Variants in RASGEF1C observed in about 807,000 individuals in gnomAD.
RASGEF1C encodes the protein RasGEF domain family member 1C.
A neutral mutation model predicts 58.1 loss-of-function variants in RASGEF1C; 27 were observed. That is an observed-to-expected ratio of 0.46 (90% CI 0.34 to 0.64). The LOEUF (loss-of-function observed/expected upper bound fraction) is 0.64. Among genes scored for constraint, RASGEF1C ranks in the 30% least tolerant of loss-of-function variants. The probability of loss-of-function intolerance (pLI) is 0.01; values close to 1 mark genes in which losing one functional copy is unlikely to be tolerated. For missense variants in RASGEF1C, 502 were observed against 605.1 expected, an observed-to-expected ratio of 0.83 and a Z score of 1.79; for synonymous variants, 243 against 246.3, an observed-to-expected ratio of 0.99 and a Z score of 0.13.
intron 1 of RASGEF1C, among the ~76,000 whole-genome samples, chr5:180,154,954 G>A (rs1444235075): frequency 2.0e-5 from 3 of 152,140 alleles, no homozygotes; most frequent in African/African-American, 7.2e-5. Context: ...AGCCTGAGTG[G>A]AAGACAGACT....
intron 1 of RASGEF1C, among the ~76,000 whole-genome samples, chr5:180,173,716 C>G (rs569112229): frequency 6.6e-6 from 1 of 152,156 alleles, no homozygotes; most frequent in East Asian, 1.9e-4. Flanking sequence ...AGTTTGAGAC[C>G]AGCCTGGCCA....
intron 1 of RASGEF1C, among the ~76,000 whole-genome samples, chr5:180,159,127 T>C (rs1004592598): frequency 7.6e-6 from 1 of 131,526 alleles, no homozygotes; most frequent in African/African-American, 2.7e-5. Flanking sequence ...TAACAAGTTT[T>C]TTTTTAATTT....
Position 180,136,491 on chromosome 5 carries a change from T to C in RASGEF1C, c.325A>G (p.Lys109Glu), listed in dbSNP as rs1448088704. ...DKARVRKFGP[K>E]LLQLLAEWTE... Reference sequence around the variant, plus strand: ...CACTCGGCCAACAGCTGCAGCAGTTTGGGGCCGAACTTCCGGACCCGGGCC... The same window carrying C: ...CACTCGGCCAACAGCTGCAGCAGTTCGGGGCCGAACTTCCGGACCCGGGCC... The change falls in exon 4 of 14, where the codon AAA becomes GAA. Residue 109 changes from lysine to glutamate, a missense_variant. By Grantham distance (56) the Lys-to-Glu change is moderately conservative (BLOSUM62 1). Coordinates refer to ENST00000361132, the MANE Select transcript of RASGEF1C (RefSeq NM_175062.4). 5 of 1,570,874 alleles carry C rather than the reference T, an allele frequency of 3.2e-6. No individual in the cohort carries two copies. The African/African-American group carries it at 4.0e-5, about 13-fold the overall frequency.
chr5:180,150,473 T>C (rs1464656634), intron 1 of RASGEF1C, among the ~76,000 whole-genome samples: 1 of 152,072 alleles, frequency 6.6e-6, no homozygotes, highest in Non-Finnish European at 1.5e-5. Flanking sequence ...AAACTGGACA[T>C]TTGACTCTTG....
chr5:180,125,719 T>A (rs1403705632), intron 6 of RASGEF1C, among the ~76,000 whole-genome samples: 1 of 151,368 alleles, frequency 6.6e-6, no homozygotes, highest in South Asian at 2.1e-4. Context: ...GAGGTGGAGG[T>A]TGCAATGAGC....
At chr5:180,182,263 T>C (rs2113325012) in intron 1 of RASGEF1C, among the ~76,000 whole-genome samples, 2 of 149,930 alleles carry the variant, frequency 1.3e-5, no homozygotes, top group African/African-American at 4.9e-5. Flanking sequence ...CAGTGAGTGT[T>C]ACACAGCTCT....
rs142190824 is a variant in RASGEF1C, at chr5:180,129,517, C to G, written c.439-907G>C. On this transcript the variant is annotated intron_variant, in intron 4 of 13. Coordinates refer to ENST00000361132, the MANE Select transcript of RASGEF1C (RefSeq NM_175062.4). ...CCCAGGGCCCTGGCTGAGGCCCCCC[C>G]AGAGCAATCGGAGCCCCCAGACCCT... Among the ~76,000 whole-genome samples the G allele has an allele frequency of 7.6e-3, 1,163 of 152,258 alleles. 19 individuals are homozygous for G. Among genetic ancestry groups the G allele is most frequent in the African/African-American group, 0.026 (1,081 of 41,522 alleles).
chr5:180,204,616 CTCTATCTA>C (rs56101660), intron 1 of RASGEF1C, among the ~76,000 whole-genome samples: 2,891 of 149,176 alleles, frequency 0.019, 36 homozygotes, highest in African/African-American at 0.031. Flanking sequence ...ATGGATATTC[CTCTATCTA>C]TCTATCTATC....
chr5:180,166,746 C>T (rs1211838432), intron 1 of RASGEF1C, among the ~76,000 whole-genome samples: 2 of 152,024 alleles, frequency 1.3e-5, no homozygotes, highest in African/African-American at 4.8e-5. Context: ...AAACTCCTCA[C>T]CTCAGATGAT....
intron 1 of RASGEF1C, 78 bp from the exon 2 acceptor site, chr5:180,138,136 C>A (rs4700715): frequency 0.98 from 875,689 of 890,700 alleles, 431,953 homozygotes; most frequent in East Asian, 1. Flanking sequence ...GCTGCTGGTC[C>A]CGGGGCTCCT....
chr5:180,127,052 T>C (rs1195821595), intron 6 of RASGEF1C, among the ~76,000 whole-genome samples: 1 of 152,222 alleles, frequency 6.6e-6, no homozygotes, highest in Non-Finnish European at 1.5e-5. Context: ...TTTGCAATTC[T>C]GGCTTGGATT....
intron 1 of RASGEF1C, among the ~76,000 whole-genome samples, chr5:180,159,123 G>GT (rs887376093): frequency 1.8e-4 from 26 of 143,492 alleles, no homozygotes; most frequent in East Asian, 1.6e-3. Context: ...TTAGTAACAA[G>GT]TTTTTTTTTA....
intron 4 of RASGEF1C, among the ~76,000 whole-genome samples, chr5:180,130,693 G>T (rs541670601): frequency 2.6e-5 from 4 of 152,288 alleles, no homozygotes; most frequent in African/African-American, 9.6e-5. Flanking sequence ...CTGTCTGCAG[G>T]CTTGCCTGTG....
chr5:180,164,812 T>C (rs944207003), intron 1 of RASGEF1C, among the ~76,000 whole-genome samples: 10 of 152,242 alleles, frequency 6.6e-5, no homozygotes, highest in African/African-American at 2.4e-4. Context: ...GTTAATGATA[T>C]TGTTCAGTTC....
chr5:180,140,651 G>A (rs1766560721), intron 1 of RASGEF1C, among the ~76,000 whole-genome samples: 1 of 152,194 alleles, frequency 6.6e-6, no homozygotes, highest in Admixed American at 6.5e-5. Context: ...CCCACCTCTG[G>A]CCTCTGCATG....
At chr5:180,191,408 G>C (rs1280932379) in intron 1 of RASGEF1C, among the ~76,000 whole-genome samples, 1 of 151,896 alleles carries the variant, frequency 6.6e-6, no homozygotes, top group Non-Finnish European at 1.5e-5. Flanking sequence ...CCAGGCTGGA[G>C]TGCAGTGGCG....
chr5:180,115,207 G>A, intron 10 of RASGEF1C: 1 of 381,766 alleles, frequency 2.6e-6, no homozygotes, highest in South Asian at 1.9e-5. Context: ...TAGAGACGGG[G>A]GTTTCACCAT....
At position 180,197,537 on chromosome 5, in the gene RASGEF1C, C is replaced by T. The variant is rs1455349454; in HGVS notation, c.-7+11491G>A. 1.3e-5 allele frequency among the ~76,000 whole-genome samples: 2 copies of T among 152,184 alleles called. No individual in the cohort carries two copies. The highest frequency in any genetic ancestry group is 6.5e-5 in the Admixed American group (1 of 15,276). On this transcript the variant is annotated intron_variant, in intron 1 of 13. Transcript: ENST00000361132. The surrounding 1 kb of genome is among the most constrained non-coding windows in gnomAD (Gnocchi z 4.7). ...AAAGACAGAGAGTGAGAGCAGTCCA[C>T]GCTCAAAAATAGCCCAGACTGTCAA...
chr5:180,107,553 G>A (rs572891061), intron 12 of RASGEF1C, among the ~76,000 whole-genome samples: 55 of 151,668 alleles, frequency 3.6e-4, no homozygotes, highest in Non-Finnish European at 6.0e-4. Context: ...TCCCCCTATG[G>A]GTAAAGTGTC....
Sources: allele counts gnomAD v4.1 joint callset (sites outside exome capture counted in the v4.1 genomes callset), GRCh38; gene constraint gnomAD v4.1.1; non-coding constraint Gnocchi (gnomAD v3.1); transcripts MANE v1.5; gene names NCBI Gene and HGNC (gene_info 2026-07-23, HGNC 2026-07-21).